PLCB1: variants seen among roughly 807,000 people sequenced by gnomAD.
PLCB1 encodes phospholipase C beta 1, also known as 1-phosphatidylinositol 4,5-bisphosphate phosphodiesterase beta-1.
A neutral mutation model predicts 161.8 loss-of-function variants in PLCB1; 46 were observed. The ratio of observed to expected loss-of-function variants is 0.28; its 90% confidence interval spans 0.22 to 0.36. PLCB1 has a LOEUF of 0.36. Among genes scored for constraint, PLCB1 ranks in the 10% least tolerant of loss-of-function variants. PLCB1 has a pLI of 1.00. For synonymous variants in PLCB1, 517 were observed against 503.7 expected (o/e 1.03, Z -0.35); for missense variants, 1,016 against 1,472.5 (o/e 0.69, Z 5.07).
chr20:8,392,120 A>G (rs1357548671), intron 3 of PLCB1, among the ~76,000 whole-genome samples: 5 of 151,946 alleles, frequency 3.3e-5, no homozygotes, highest in Admixed American at 6.6e-5. Context: ...TTAATCGCCG[A>G]TGCAATAGTA....
intron 2 of PLCB1, among the ~76,000 whole-genome samples, chr20:8,176,241 C>A (rs1220257431): frequency 2.0e-5 from 3 of 152,114 alleles, no homozygotes; most frequent in South Asian, 2.1e-4. Flanking sequence ...GAAGATAGAC[C>A]AGATGCCTTC....
chr20:8,226,875 G>C (rs1979719517), intron 2 of PLCB1, among the ~76,000 whole-genome samples: 1 of 151,982 alleles, frequency 6.6e-6, no homozygotes, highest in Non-Finnish European at 1.5e-5. Flanking sequence ...TTTTAGTAGA[G>C]ACAGAGGTTC....
Position 8,368,420 on chromosome 20 carries a change from C to T in PLCB1, c.178-2962C>T, listed in dbSNP as rs115748274. ...GTGTGTGCCTGTAATTTCAGCTACTCGAGGGCTGAGGCACGAGAATCACTT... is the reference window on the plus strand; with the variant it reads ...GTGTGTGCCTGTAATTTCAGCTACTTGAGGGCTGAGGCACGAGAATCACTT... On this transcript the variant is annotated intron_variant, in intron 2 of 31. Transcript: ENST00000338037. Among the ~76,000 whole-genome samples, 1,342 of 148,996 alleles carry T rather than the reference C, an allele frequency of 9.0e-3. 20 individuals are homozygous for T. Among genetic ancestry groups the T allele is most frequent in the African/African-American group, 0.031 (1,253 of 40,316 alleles).
intron 3 of PLCB1, among the ~76,000 whole-genome samples, chr20:8,388,312 A>C (rs1987490669): frequency 6.6e-6 from 1 of 152,186 alleles, no homozygotes; most frequent in Admixed American, 6.5e-5. Flanking sequence ...CCAATATATA[A>C]ATCTCATAAT....
chr20:8,829,422 T>C (rs1985875085), intron 31 of PLCB1, among the ~76,000 whole-genome samples: 1 of 152,200 alleles, frequency 6.6e-6, no homozygotes, highest in African/African-American at 2.4e-5. Flanking sequence ...ACCTTCGTGC[T>C]TGGAATATGA....
At chr20:8,767,038 C>T (rs1445073592) in intron 26 of PLCB1, among the ~76,000 whole-genome samples, 1 of 152,072 alleles carries the variant, frequency 6.6e-6, no homozygotes, top group African/African-American at 2.4e-5. Flanking sequence ...AAGAGAGAAG[C>T]CTGCTTGTAT....
intron 3 of PLCB1, among the ~76,000 whole-genome samples, chr20:8,388,074 T>A (rs969831285): frequency 6.6e-6 from 1 of 151,702 alleles, no homozygotes; most frequent in African/African-American, 2.4e-5. Context: ...CTAAAAAATA[T>A]TTCATGGAGG....
At chr20:8,455,211 C>A (rs1347729335) in intron 3 of PLCB1, among the ~76,000 whole-genome samples, 1 of 151,268 alleles carries the variant, frequency 6.6e-6, no homozygotes, top group East Asian at 2.0e-4. Context: ...ACCTGTAATC[C>A]CAGCTACTTG....
chr20:8,283,943 A>G (rs1982995638), intron 2 of PLCB1, among the ~76,000 whole-genome samples: 1 of 152,110 alleles, frequency 6.6e-6, no homozygotes, highest in African/African-American at 2.4e-5. Flanking sequence ...TTTCAATAAT[A>G]TGGATACAAC....
At chr20:8,710,734 G>C (rs112412473) in intron 12 of PLCB1, among the ~76,000 whole-genome samples, 13 of 151,908 alleles carry the variant, frequency 8.6e-5, no homozygotes, top group African/African-American at 2.2e-4. Context: ...GGCTAGTCTC[G>C]AACTCCCGAC....
At chr20:8,718,764 A>G (rs1339520857) in intron 14 of PLCB1, among the ~76,000 whole-genome samples, 2 of 152,214 alleles carry the variant, frequency 1.3e-5, no homozygotes, top group East Asian at 1.9e-4. Context: ...TATTCTGGCT[A>G]CCATGTAAGC....
intron 10 of PLCB1, among the ~76,000 whole-genome samples, chr20:8,688,904 A>G (rs1211570273): frequency 6.6e-6 from 1 of 152,092 alleles, no homozygotes; most frequent in Non-Finnish European, 1.5e-5. Context: ...ATTTTGATGG[A>G]GATTGCATTG....
At chr20:8,270,352 A>AT (rs1263432395) in intron 2 of PLCB1, among the ~76,000 whole-genome samples, 5 of 152,056 alleles carry the variant, frequency 3.3e-5, no homozygotes, top group Non-Finnish European at 7.4e-5. Flanking sequence ...GTTCAAAAAT[A>AT]TTTTTTTCAG....
In PLCB1 at chr20:8,717,658, T is replaced by C. The variant is rs185405599; in HGVS notation, c.1336-13T>C. On this transcript the variant is annotated splice_polypyrimidine_tract_variant and intron_variant, in intron 13 of 31. Transcript: ENST00000338037. ...GCAGTATTTTTAAAGAATATGCCTT[T>C]CATTTCTATTAGCTGGAATCTGGAG... The C allele has an allele frequency of 2.5e-4, 404 of 1,595,326 alleles. No individual in the cohort carries two copies. In the African/African-American group the frequency reaches 4.5e-3, roughly 18 times the overall value.
chr20:8,375,547 AGT>A (rs955483860), intron 3 of PLCB1, among the ~76,000 whole-genome samples: 1 of 151,382 alleles, frequency 6.6e-6, no homozygotes, highest in African/African-American at 2.5e-5. Context: ...CACAGCATAA[AGT>A]GTAATTTTTA....
rs1359204312 is a variant in PLCB1, at chr20:8,716,318, C to T, written c.1305C>T (p.Ala435=). Residue 435 remains alanine, a synonymous_variant, in exon 13 of 32, where the codon GCC becomes GCT. Coordinates refer to ENST00000338037, the MANE Select transcript of PLCB1 (RefSeq NM_015192.4). ...AEYCRLIFGD[A]LLMEPLEKYP... ...ACTGCCGACTGATCTTTGGGGATGC[C>T]CTTCTCATGGAGCCCCTGGAAAAAT... 1 of 1,613,878 alleles carries T rather than the reference C, an allele frequency of 6.2e-7. No individual in the cohort carries two copies. Among genetic ancestry groups the T allele is most frequent in the East Asian group, 2.2e-5 (1 of 44,874 alleles).
chr20:8,534,714 A>G (rs541979620), intron 3 of PLCB1, among the ~76,000 whole-genome samples: 2 of 152,282 alleles, frequency 1.3e-5, no homozygotes, highest in Admixed American at 1.3e-4. Flanking sequence ...CCTGATACAA[A>G]GCAACTGAGA....
chr20:8,600,331 A>G (rs1371385211), intron 3 of PLCB1, among the ~76,000 whole-genome samples: 2 of 98,204 alleles, frequency 2.0e-5, no homozygotes, highest in Non-Finnish European at 4.4e-5. Context: ...CAGGACCCTC[A>G]GCTACAGGTC....
intron 3 of PLCB1, among the ~76,000 whole-genome samples, chr20:8,498,801 C>G (rs889096711): frequency 6.6e-6 from 1 of 152,118 alleles, no homozygotes; most frequent in African/African-American, 2.4e-5. Flanking sequence ...AGACTAAGTT[C>G]AGTTAGAGGA....
Sources: allele counts gnomAD v4.1 joint callset (sites outside exome capture counted in the v4.1 genomes callset), GRCh38; gene constraint gnomAD v4.1.1; transcripts MANE v1.5; gene names NCBI Gene and HGNC (gene_info 2026-07-23, HGNC 2026-07-21).